Variants in ATP10A observed in about 807,000 individuals in gnomAD.
ATP10A encodes the protein phospholipid-transporting ATPase VA.
A neutral mutation model predicts 147.8 loss-of-function variants in ATP10A; 111 were observed. The observed-to-expected ratio is 0.75, with a 90% CI of 0.64 to 0.88. ATP10A has a LOEUF of 0.88. Ranked by LOEUF, ATP10A falls within the 40% of genes least tolerant of loss-of-function variation. The pLI, the probability that ATP10A is intolerant of heterozygous loss-of-function variation, is 0.00. For synonymous variants in ATP10A, 875 were observed against 841.6 expected (o/e 1.04, Z -0.69); for missense variants, 1,927 against 1,959.0 (o/e 0.98, Z 0.31).
chr15:25,763,803 CATCCCTAAAATT>C (rs1888882481), intron 2 of ATP10A, among the ~76,000 whole-genome samples: 1 of 152,178 alleles, frequency 6.6e-6, no homozygotes, highest in Non-Finnish European at 1.5e-5. Context: ...GGAAATAAAG[CATCCCTAAAATT>C]ATATCTATAG....
intron 2 of ATP10A, among the ~76,000 whole-genome samples, chr15:25,769,413 G>C (rs997312162): frequency 1.3e-5 from 2 of 150,276 alleles, no homozygotes; most frequent in East Asian, 2.0e-4. Flanking sequence ...TTGAACCTGG[G>C]GGGGCGGAGG....
intron 2 of ATP10A, among the ~76,000 whole-genome samples, chr15:25,758,725 C>CCTCATTCCGACCACCTGCTCCACCCTAA (rs1888573298): frequency 1.6e-5 from 2 of 127,806 alleles, no homozygotes; most frequent in Non-Finnish European, 3.2e-5. Context: ...CCTGCTCCAC[C>CCTCATTCCGACCACCTGCTCCACCCTAA]CTCATTCCGA....
At chr15:25,692,750 C>T (rs1246464627) in intron 14 of ATP10A, among the ~76,000 whole-genome samples, 1 of 152,210 alleles carries the variant, frequency 6.6e-6, no homozygotes, top group African/African-American at 2.4e-5. Flanking sequence ...TTATAAACCA[C>T]TGGGCACTAG....
chr15:25,714,756 G>A (rs1901678358), intron 9 of ATP10A, among the ~76,000 whole-genome samples: 1 of 151,974 alleles, frequency 6.6e-6, no homozygotes, highest in African/African-American at 2.4e-5. Flanking sequence ...CACAAAACTG[G>A]GCATTTTTTT....
At chr15:25,701,316 T>G (rs1054167058) in intron 13 of ATP10A, among the ~76,000 whole-genome samples, 1 of 152,082 alleles carries the variant, frequency 6.6e-6, no homozygotes, top group Non-Finnish European at 1.5e-5. Context: ...TAAGAGGGGC[T>G]GGGGTGGGGA....
chr15:25,791,202 C>A (rs554971434), intron 1 of ATP10A, among the ~76,000 whole-genome samples: 60 of 151,852 alleles, frequency 4.0e-4, no homozygotes, highest in African/African-American at 1.3e-3. Flanking sequence ...GCCTCAGCCT[C>A]CCCAGTAGCT....
At chr15:25,847,822 A>G (rs1596995517) in intron 1 of ATP10A, among the ~76,000 whole-genome samples, 1 of 151,454 alleles carries the variant, frequency 6.6e-6, no homozygotes, top group East Asian at 1.9e-4. Context: ...TGTAGGGATG[A>G]GGTTTTGCCA....
chr15:25,673,920 TGTGA>T (rs1425627933), downstream of ATP10A, among the ~76,000 whole-genome samples: 13 of 152,124 alleles, frequency 8.5e-5, no homozygotes, highest in Admixed American at 7.2e-4. Context: ...GGGAGACAGC[TGTGA>T]GTGTGTAGCA....
At chr15:25,716,703 C>A in intron 9 of ATP10A, 27 bp downstream of exon 9, 2 of 1,523,720 alleles carry the variant, frequency 1.3e-6, no homozygotes, top group Admixed American at 2.0e-5. Flanking sequence ...AGGTCAAGGT[C>A]AAGCTCAGGG....
intron 1 of ATP10A, among the ~76,000 whole-genome samples, chr15:25,860,643 C>G (rs1477721992): frequency 2.6e-5 from 4 of 152,270 alleles, no homozygotes; most frequent in South Asian, 2.1e-4. Context: ...GTTAAGATAT[C>G]TGGAGTCAAG....
intron 8 of ATP10A, among the ~76,000 whole-genome samples, chr15:25,717,647 C>A (rs552660556): frequency 6.6e-6 from 1 of 152,264 alleles, no homozygotes; most frequent in East Asian, 1.9e-4. Context: ...AGAATGAGGC[C>A]ACCACAGAGT....
chr15:25,797,798 G>C (rs559546275), intron 1 of ATP10A, among the ~76,000 whole-genome samples: 25 of 152,134 alleles, frequency 1.6e-4, no homozygotes, highest in African/African-American at 4.3e-4. Context: ...GGTGGGGAGA[G>C]AGACCTTCAG....
intron 10 of ATP10A, among the ~76,000 whole-genome samples, chr15:25,712,285 G>C (rs1901477224): frequency 6.6e-6 from 1 of 152,192 alleles, no homozygotes; most frequent in Admixed American, 6.5e-5. Context: ...TTCTGCTTTT[G>C]AGGTTTTTAC....
intron 10 of ATP10A, 48 bp from the exon 11 acceptor site, chr15:25,708,348 G>T: frequency 6.5e-7 from 1 of 1,539,288 alleles, no homozygotes. Context: ...GGCGCCTGTG[G>T]AATGGTCTTC....
At chr15:25,719,637 G>A (rs1902085767) in intron 7 of ATP10A, among the ~76,000 whole-genome samples, 1 of 149,214 alleles carries the variant, frequency 6.7e-6, no homozygotes, top group African/African-American at 2.5e-5. Context: ...CCTTCCCTCA[G>A]AGGCTGTGGG....
At chr15:25,759,672 T>G (rs1272144501) in intron 2 of ATP10A, among the ~76,000 whole-genome samples, 1 of 152,012 alleles carries the variant, frequency 6.6e-6, no homozygotes, top group Non-Finnish European at 1.5e-5. Context: ...TAGTCGAGCA[T>G]GGTGGCACAT....
intron 1 of ATP10A, among the ~76,000 whole-genome samples, chr15:25,804,211 C>T (rs4542634): frequency 0.69 from 104,003 of 150,072 alleles, 37,889 homozygotes; most frequent in East Asian, 0.96. Flanking sequence ...TATGTGTGTG[C>T]ATCTGTGTGT....
chr15:25,697,276 C>T (rs1290175742), intron 13 of ATP10A, among the ~76,000 whole-genome samples: 1 of 152,176 alleles, frequency 6.6e-6, no homozygotes, highest in Non-Finnish European at 1.5e-5. Context: ...ACACCCAGAG[C>T]TCACAGCCCA....
intron 12 of ATP10A, among the ~76,000 whole-genome samples, chr15:25,703,212 C>T (rs1900775259): frequency 6.6e-6 from 1 of 152,060 alleles, no homozygotes; most frequent in Non-Finnish European, 1.5e-5. Flanking sequence ...ACAAAAATTA[C>T]CTGGGCGTGG....
Sources: allele counts gnomAD v4.1 joint callset (sites outside exome capture counted in the v4.1 genomes callset), GRCh38; gene constraint gnomAD v4.1.1; transcripts MANE v1.5; gene names NCBI Gene and HGNC (gene_info 2026-07-23, HGNC 2026-07-21).